The following IL17RB variants were observed in gnomAD, a reference collection of about 807,000 sequenced individuals.
IL17RB encodes the protein interleukin-17 receptor B.
A neutral mutation model predicts 43.9 loss-of-function variants in IL17RB; 36 were observed. The ratio of observed to expected loss-of-function variants is 0.82; its 90% confidence interval spans 0.63 to 1.08. The LOEUF (loss-of-function observed/expected upper bound fraction) is 1.08, where lower values mean the gene tolerates loss of function less well. Among genes scored for constraint, IL17RB ranks in the 50% least tolerant of loss-of-function variants. The probability of loss-of-function intolerance (pLI) is 0.00; values close to 1 mark genes in which losing one functional copy is unlikely to be tolerated. For missense variants in IL17RB, 613 were observed against 613.6 expected (o/e 1.00, Z 0.01); for synonymous variants, 225 against 225.4 (o/e 1.00, Z 0.02).
At position 53,846,601 on chromosome 3, in the gene IL17RB, C is replaced by G; in HGVS notation, c.13C>G (p.Leu5Val). The G allele has an allele frequency of 6.3e-7, 1 of 1,587,822 alleles. No homozygotes were observed. The highest frequency in any genetic ancestry group is 8.5e-7 in the Non-Finnish European group (1 of 1,171,224). The stretch of plus-strand genomic sequence containing the variant: ...CAGTGGCCCGGCGATGTCGCTCGTG[C>G]TGCTAAGCCTGGCCGCGCTGTGCAG... MSLVLLSLAALCRSA... is the reference protein window; with the variant it reads MSLVVLSLAALCRSA... Residue 5 changes from leucine (L) to valine (V), a missense_variant, in exon 1 of 11, where the codon CTG (leucine) becomes GTG (valine). Transcript: ENST00000288167.
intron 10 of IL17RB, 194 bp downstream of exon 10, chr3:53,860,422 G>T: frequency 2.4e-6 from 1 of 419,136 alleles, no homozygotes; most frequent in African/African-American, 2.0e-5. Flanking sequence ...GTGAAAGCAG[G>T]GTCAGGACTT....
intron 3 of IL17RB, 34 bp downstream of exon 3, chr3:53,849,829 G>C: frequency 1.3e-6 from 2 of 1,557,418 alleles, no homozygotes; most frequent in Non-Finnish European, 1.7e-6. Context: ...AAGGCCCAAA[G>C]TGTCTACTAA....
chr3:53,857,701 G>A lies in IL17RB; in HGVS notation c.747+11G>A. On this transcript the variant is annotated intron_variant, in intron 8 of 10. Coordinates refer to ENST00000288167, the MANE Select transcript of IL17RB (RefSeq NM_018725.4). Reference sequence around the variant, plus strand: ...GGTGCTACGGTGCAGGTAAAGTTCAGTGAGCTGCTCTGGGGAGGGAAGGGA... The same window carrying A: ...GGTGCTACGGTGCAGGTAAAGTTCAATGAGCTGCTCTGGGGAGGGAAGGGA... 6.2e-7 allele frequency: 1 copy of A among 1,609,496 alleles called. No individual in the cohort carries two copies. The highest frequency in any genetic ancestry group is 8.5e-7 in the Non-Finnish European group (1 of 1,175,798).
chr3:53,863,538 C>T (rs111431846), intron 10 of IL17RB, among the ~76,000 whole-genome samples: 33 of 152,316 alleles, frequency 2.2e-4, no homozygotes, highest in African/African-American at 7.7e-4. Context: ...CTCAGGAATT[C>T]TTACATTTAG....
rs1348984126 is a variant in IL17RB at position 53,852,802 on chromosome 3, C to T, written c.355-69C>T. ...AATGAAATACAAACTAAAAGGGCAA[C>T]ACACTAAGGTATACTGTTTCTGTAC... On this transcript the variant is annotated intron_variant, in intron 4 of 10. Transcript: ENST00000288167. 5 of 1,467,426 alleles carry T rather than the reference C, an allele frequency of 3.4e-6. No homozygotes were observed. The East Asian group carries it at 1.1e-4, about 34-fold the overall frequency. 90.9% of individuals were successfully genotyped at this position (1,467,426 alleles called of 1,614,324 possible).
At position 53,851,875 on chromosome 3, in the gene IL17RB, C is replaced by T. The variant is rs986098535; in HGVS notation, c.227-124C>T. The T allele has an allele frequency of 1.1e-5, 12 of 1,116,504 alleles. No homozygotes were observed. The African/African-American group carries it at 1.5e-4, about 14-fold the overall frequency. 69.2% of individuals were successfully genotyped at this position (1,116,504 alleles called of 1,614,324 possible). ...GTAAACTGGAGACAGTGGTGCCTAC[C>T]TTTCAGTACTATTGTGAATATGAAC... On this transcript the variant is annotated intron_variant, in intron 3 of 10. Coordinates refer to ENST00000288167, the MANE Select transcript of IL17RB (RefSeq NM_018725.4).
rs1038357334 is a variant in IL17RB, at chr3:53,852,141, G to GT, written c.354+21dup. ...CTGGTGGTAAAGTAAGCACTTTTTT[G>GT]TTTTTTGTTTTGTTTTTTGAGATAG... On this transcript the variant is annotated intron_variant, in intron 4 of 10. Coordinates refer to ENST00000288167, the MANE Select transcript of IL17RB (RefSeq NM_018725.4). 8.7e-6 allele frequency: 14 copies of GT among 1,612,654 alleles called. No homozygotes were observed. The African/African-American group carries it at 1.5e-4, about 17-fold the overall frequency.
Position 53,860,239 on chromosome 3 carries a change from T to C in IL17RB, c.946+11T>C. On this transcript the variant is annotated intron_variant, in intron 10 of 10. Coordinates refer to ENST00000288167, the MANE Select transcript of IL17RB (RefSeq NM_018725.4). ...TAATGTGGAGGCACGGTAAGGGTTA[T>C]AATTCTTTAAAGACATCCTAGTAAG... The C allele has an allele frequency of 6.3e-7, 1 of 1,593,370 alleles. No individual in the cohort carries two copies. The highest frequency in any genetic ancestry group is 8.6e-7 in the Non-Finnish European group (1 of 1,167,640).
At chr3:53,857,471 G>T (rs1699382900) in intron 7 of IL17RB, 145 bp from the exon 8 acceptor site, 1 of 695,912 alleles carries the variant, frequency 1.4e-6, no homozygotes, top group Non-Finnish European at 2.6e-6. Flanking sequence ...ATCTTTAGTA[G>T]AGACGGTTTC....
intron 10 of IL17RB, chr3:53,861,094 G>A (rs1699546903): frequency 6.6e-6 from 1 of 152,172 alleles, no homozygotes; most frequent in Non-Finnish European, 1.5e-5. Flanking sequence ...ACCCTGTGAT[G>A]CTAACCATCT....
chr3:53,851,631 T>C lies in IL17RB; in HGVS notation c.227-368T>C, dbSNP rs11919668. ...TGGTGATGACAGTCTTGGAGGGTCTTTGTGGGTCTCCCTGAGGCCAGCCTC... is the reference window on the plus strand; with the variant it reads ...TGGTGATGACAGTCTTGGAGGGTCTCTGTGGGTCTCCCTGAGGCCAGCCTC... On this transcript the variant is annotated intron_variant, in intron 3 of 10. Coordinates refer to ENST00000288167, the MANE Select transcript of IL17RB (RefSeq NM_018725.4). Among the ~76,000 whole-genome samples, 1,213 of 152,210 alleles carry C rather than the reference T, an allele frequency of 8.0e-3. 15 individuals are homozygous for C. The highest frequency in any genetic ancestry group is 0.031 in the Middle Eastern group (9 of 294).
Position 53,848,700 on chromosome 3 carries a change from A to T in IL17RB, c.85+12A>T. ...TGGCTCTGAAACTGGTAGGTGCATT[A>T]GAGAATGGGTATTTGGGGCTTTACA... On this transcript the variant is annotated intron_variant, in intron 2 of 10. Coordinates refer to ENST00000288167, the MANE Select transcript of IL17RB (RefSeq NM_018725.4). 1 of 1,613,876 alleles carries T rather than the reference A, an allele frequency of 6.2e-7. No homozygotes were observed. Among genetic ancestry groups the T allele is most frequent in the Non-Finnish European group, 8.5e-7 (1 of 1,179,738 alleles).
At chr3:53,852,176 C>A in intron 4 of IL17RB, 50 bp downstream of exon 4, 1 of 1,560,496 alleles carries the variant, frequency 6.4e-7, no homozygotes, top group Non-Finnish European at 8.8e-7. Context: ...GCATCTTGTT[C>A]TGTCACCCAG....
At chr3:53,852,274 TGGGACTACA>T in intron 4 of IL17RB, 148 bp downstream of exon 4, 1 of 746,610 alleles carries the variant, frequency 1.3e-6, no homozygotes, top group South Asian at 1.8e-5. Flanking sequence ...CCCAAGCAGC[TGGGACTACA>T]GGCATGAGCC....
chr3:53,847,483 G>GT (rs1223451523), intron 1 of IL17RB, among the ~76,000 whole-genome samples: 1 of 82,606 alleles, frequency 1.2e-5, no homozygotes, highest in African/African-American at 3.9e-5. Context: ...TGGCTCATTT[G>GT]TTAAAAAAAA....
Position 53,848,664 on chromosome 3 carries a change from A to G in IL17RB, c.61A>G (p.Thr21Ala). Residue 21 changes from threonine (T) to alanine (A), a missense_variant and splice_region_variant, in exon 2 of 11, where the codon ACC (threonine) becomes GCC (alanine). By Grantham distance (58) the Thr-to-Ala change is moderately conservative. Transcript: ENST00000288167. The stretch of plus-strand genomic sequence containing the variant: ...ACGCTTGGTTTTTTCTCTCCCACAG[A>G]CCGTTCAATGTGGCTCTGAAACTGG... ...LCRSAVPREP[T>A]VQCGSETGPS... 6.2e-7 allele frequency: 1 copy of G among 1,613,978 alleles called. No individual in the cohort carries two copies. The highest frequency in any genetic ancestry group is 1.1e-5 in the South Asian group (1 of 91,076).
Position 53,865,560 on chromosome 3 carries a change from T to C in IL17RB, c.*252T>C, listed in dbSNP as rs1699757372. The C allele has an allele frequency of 2.3e-6, 1 of 440,542 alleles. No homozygotes were observed. The highest frequency in any genetic ancestry group is 4.0e-6 in the Non-Finnish European group (1 of 248,408). The allele number at this position is 440,542 out of a possible 1,614,324, so 27.3% of individuals were successfully genotyped here. A position where few individuals can be genotyped will look rare whatever the true frequency, so the allele number is the denominator to read the frequency against. On this transcript the variant is annotated 3_prime_UTR_variant, in exon 11 of 11. Coordinates refer to ENST00000288167, the MANE Select transcript of IL17RB (RefSeq NM_018725.4). ...CAGTTTTAATTGAAAACTATAACCA[T>C]TTTGATAATGCAACAATAAAGCATC...
At position 53,857,599 on chromosome 3, in the gene IL17RB, A is replaced by ACT. The variant is rs760570741; in HGVS notation, c.673-6_673-5dup. On this transcript the variant is annotated splice_polypyrimidine_tract_variant and intron_variant, in intron 7 of 10. Transcript: ENST00000288167. Reference sequence around the variant, plus strand: ...TGCACCTGGCACCTCATAATTCTTGACTCTCTCTCTCTTAAGCCACACCAG... The same window carrying ACT: ...TGCACCTGGCACCTCATAATTCTTGACTCTCTCTCTCTCTTAAGCCACACCAG... The ACT allele has an allele frequency of 6.3e-6, 10 of 1,598,526 alleles. No individual in the cohort carries two copies. Among genetic ancestry groups the ACT allele is most frequent in the Middle Eastern group, 1.7e-4 (1 of 6,048 alleles).
chr3:53,857,073 G>C, intron 7 of IL17RB, 87 bp downstream of exon 7: 1 of 1,373,176 alleles, frequency 7.3e-7, no homozygotes, highest in Non-Finnish European at 1.0e-6. Context: ...GTCCAAACGT[G>C]CTGGGCTACT....
Sources: gnomAD v4.1 joint callset for allele counts (sites outside exome capture counted in the v4.1 genomes callset) on GRCh38, gnomAD v4.1.1 for gene constraint, MANE v1.5 for transcripts, NCBI Gene and HGNC (gene_info 2026-07-23, HGNC 2026-07-21) for gene names.